The following OR1M1 variants were observed in gnomAD, a reference collection of about 807,000 sequenced individuals.
The protein encoded by OR1M1 is olfactory receptor 1M1.
For missense variants in OR1M1, 397 were observed against 401.8 expected (o/e 0.99, Z 0.10); for synonymous variants, 157 against 165.5 (o/e 0.95, Z 0.39).
chr19:9,092,072 CTTTTTTTT>C lies in OR1M1; in HGVS notation c.-13-1140_-13-1133del, dbSNP rs35789114. ...TATAGGTGTCCACCATCATGCCTGGCTTTTTTTTTTTTTTTTTTTTTTTTTTTGGTAGA... is the reference window on the plus strand; with the variant it reads ...TATAGGTGTCCACCATCATGCCTGGCTTTTTTTTTTTTTTTTTTTGGTAGA... On this transcript the variant is annotated intron_variant, in intron 1 of 1. Coordinates refer to ENST00000641627, the MANE Select transcript of OR1M1 (RefSeq NM_001004456.2). 1.0e-4 allele frequency among the ~76,000 whole-genome samples: 4 copies of C among 39,770 alleles called. No individual in the cohort carries two copies. In the Admixed American group the frequency reaches 1.3e-3, roughly 12 times the overall value. 26.1% of individuals were successfully genotyped at this position (39,770 alleles called of 152,430 possible).
intron 1 of OR1M1, 168 bp from the exon 2 acceptor site, chr19:9,093,062 CAT>C (rs1214501296): frequency 1.4e-5 from 6 of 440,116 alleles, no homozygotes; most frequent in African/African-American, 1.1e-4. Flanking sequence ...TACACACACA[CAT>C]ATATATTCTA....
chr19:9,091,246 G>A (rs1338586324), intron 1 of OR1M1, among the ~76,000 whole-genome samples: 1 of 152,058 alleles, frequency 6.6e-6, no homozygotes, highest in African/African-American at 2.4e-5. Context: ...CCGGCACTTT[G>A]GGAGGCCAAG....
At position 9,093,079 on chromosome 19, in the gene OR1M1, T is replaced by TATACAC. The variant is rs1555707928; in HGVS notation, c.-13-152_-13-151insTACACA. 5.1e-4 allele frequency: 207 copies of TATACAC among 406,690 alleles called. 1 individual carries two copies. Among genetic ancestry groups the TATACAC allele is most frequent in the African/African-American group, 4.3e-3 (192 of 44,916 alleles). 25.2% of individuals were successfully genotyped at this position (406,690 alleles called of 1,614,324 possible). On this transcript the variant is annotated intron_variant, in intron 1 of 1. Transcript: ENST00000641627. ...CACACACACATATATATTCTATATA[T>TATACAC]ACACACACACACACACACACACACA...
intron 1 of OR1M1, among the ~76,000 whole-genome samples, chr19:9,089,911 C>G (rs1440738067): frequency 1.3e-5 from 2 of 152,154 alleles, no homozygotes; most frequent in African/African-American, 4.8e-5. Context: ...ATGCGTGCTT[C>G]ATGAATTACA....
At position 9,094,181 on chromosome 19, in the gene OR1M1, T is replaced by A. The variant is rs1401730768; in HGVS notation, c.937T>A (p.Ser313Thr). 1.2e-6 allele frequency: 2 copies of A among 1,601,878 alleles called. No homozygotes were observed. The highest frequency in any genetic ancestry group is 1.7e-6 in the Non-Finnish European group (2 of 1,176,140). ...GGTCAACAGAAAGATCACCTCATCT[T>A]CCTGACCACCAGGACTCAGGAACTT... ...KLVNRKITSS[S>T] Residue 313 changes from serine to threonine, a missense_variant, in exon 2 of 2, where the codon TCC (serine) becomes ACC (threonine). By Grantham distance (58) the Ser-to-Thr change is moderately conservative. Transcript: ENST00000641627.
Position 9,093,581 on chromosome 19 carries a change from G to C in OR1M1, c.337G>C (p.Val113Leu). 1 of 1,614,110 alleles carries C rather than the reference G, an allele frequency of 6.2e-7. No individual in the cohort carries two copies. The highest frequency in any genetic ancestry group is 8.5e-7 in the Non-Finnish European group (1 of 1,180,002). ...CCATTTCTTTGGCATCGTGGACAGC[G>C]TCATAATCGCCATGATGGCTTATGA... ...FFHFFGIVDS[V>L]IIAMMAYDRF... The change falls in exon 2 of 2, where the codon GTC (valine) becomes CTC (leucine). Residue 113 changes from valine (V) to leucine (L), a missense_variant. Physicochemically the swap from Val to Leu is conservative, Grantham distance 32. Transcript: ENST00000641627.
rs2050319648 is a variant in OR1M1 at position 9,095,123 on chromosome 19, A to G, written c.*937A>G. The G allele has an allele frequency of 6.6e-6, 1 of 152,256 alleles. No individual in the cohort carries two copies. The highest frequency in any genetic ancestry group is 2.4e-5 in the African/African-American group (1 of 41,436). 9.4% of individuals were successfully genotyped at this position (152,256 alleles called of 1,614,324 possible). A position where few individuals can be genotyped will look rare whatever the true frequency, so the allele number is the denominator to read the frequency against. On this transcript the variant is annotated 3_prime_UTR_variant, in exon 2 of 2. Coordinates refer to ENST00000641627, the MANE Select transcript of OR1M1 (RefSeq NM_001004456.2). ...CTGGCTGGAAAGGCCATTTGAGGAC[A>G]CAGCGAAAGGGGGTCTATCTGCCAC...
intron 1 of OR1M1, among the ~76,000 whole-genome samples, chr19:9,090,446 A>C (rs2050286155): frequency 6.6e-6 from 1 of 152,252 alleles, no homozygotes; most frequent in African/African-American, 2.4e-5. Context: ...AGGAAGATTA[A>C]TTTAGTGACT....
chr19:9,089,598 T>A (rs1791859492), intron 1 of OR1M1, among the ~76,000 whole-genome samples: 1 of 152,042 alleles, frequency 6.6e-6, no homozygotes, highest in Non-Finnish European at 1.5e-5. Flanking sequence ...TAATTTTTTG[T>A]ATTTTTAGTA....
rs151205505 is a variant in OR1M1 at position 9,093,581 on chromosome 19, G to A, written c.337G>A (p.Val113Ile). Residue 113 changes from valine (V) to isoleucine (I), a missense_variant, in exon 2 of 2, where the codon GTC (valine) becomes ATC (isoleucine). Transcript: ENST00000641627. ...CCATTTCTTTGGCATCGTGGACAGC[G>A]TCATAATCGCCATGATGGCTTATGA... ...FFHFFGIVDS[V>I]IIAMMAYDRF... 131 of 1,614,110 alleles carry A rather than the reference G, an allele frequency of 8.1e-5. No homozygotes were observed. The highest frequency in any genetic ancestry group is 1.6e-4 in the Middle Eastern group (1 of 6,062).
At chr19:9,088,350 G>A (rs958989905) in intron 1 of OR1M1, among the ~76,000 whole-genome samples, 2 of 152,144 alleles carry the variant, frequency 1.3e-5, no homozygotes, top group Non-Finnish European at 2.9e-5. Context: ...GACACAGAGT[G>A]CAGAGGTCCA....
At chr19:9,088,195 C>CT (rs2145902179) in intron 1 of OR1M1, among the ~76,000 whole-genome samples, 1 of 152,242 alleles carries the variant, frequency 6.6e-6, no homozygotes, top group African/African-American at 2.4e-5. Flanking sequence ...CCAGCCTGGA[C>CT]TTTCTTTTCC....
chr19:9,090,818 G>C (rs1215059571), intron 1 of OR1M1, among the ~76,000 whole-genome samples: 1 of 151,930 alleles, frequency 6.6e-6, no homozygotes, highest in Non-Finnish European at 1.5e-5. Flanking sequence ...GAAGTAATAA[G>C]AGCCTTTCAT....
intron 1 of OR1M1, among the ~76,000 whole-genome samples, chr19:9,090,455 C>T (rs1004687898): frequency 2.6e-5 from 4 of 152,196 alleles, no homozygotes; most frequent in African/African-American, 9.6e-5. Context: ...AATTTAGTGA[C>T]TTCAGGATTG....
chr19:9,092,628 G>A (rs1056149053), intron 1 of OR1M1, among the ~76,000 whole-genome samples: 13 of 152,032 alleles, frequency 8.6e-5, no homozygotes, highest in South Asian at 4.2e-4. Flanking sequence ...TTAGCCTGGC[G>A]TGGTGGCTCA....
chr19:9,093,109 C>CACACACACACATAT (rs572607972), intron 1 of OR1M1, 123 bp from the exon 2 acceptor site: 10 of 492,330 alleles, frequency 2.0e-5, no homozygotes, highest in African/African-American at 8.3e-5. Flanking sequence ...CACACACACA[C>CACACACACACATAT]ATATATATAT....
chr19:9,087,468 C>T (rs952070614), intron 1 of OR1M1, among the ~76,000 whole-genome samples: 1 of 151,692 alleles, frequency 6.6e-6, no homozygotes, highest in African/African-American at 2.4e-5. Flanking sequence ...TTTCCCCCAC[C>T]GAGATGGAGT....
Position 9,093,374 on chromosome 19 carries a change from C to T in OR1M1, c.130C>T (p.Leu44Phe), listed in dbSNP as rs748535332. 8 of 1,613,916 alleles carry T rather than the reference C, an allele frequency of 5.0e-6. No homozygotes were observed. The South Asian group carries it at 7.7e-5, about 16-fold the overall frequency. ...CCTGGTCATGGTCGTGGGGAACCTGCTCATCATCCTGGCCATCAGCATAGA... is the reference window on the plus strand; with the variant it reads ...CCTGGTCATGGTCGTGGGGAACCTGTTCATCATCCTGGCCATCAGCATAGA... ...MYLVMVVGNL[L>F]IILAISIDSH... Residue 44 changes from leucine to phenylalanine, a missense_variant, in exon 2 of 2, where the codon CTC becomes TTC. Transcript: ENST00000641627.
Position 9,093,584 on chromosome 19 carries a change from A to C in OR1M1, c.340A>C (p.Ile114Leu). Residue 114 changes from isoleucine to leucine, a missense_variant, in exon 2 of 2, where the codon ATA (isoleucine) becomes CTA (leucine). Ile to Leu is a conservative substitution (Grantham distance 5, BLOSUM62 2). Transcript: ENST00000641627. The stretch of plus-strand genomic sequence containing the variant: ...TTTCTTTGGCATCGTGGACAGCGTC[A>C]TAATCGCCATGATGGCTTATGACCG... ...FHFFGIVDSV[I>L]IAMMAYDRFV... 1.2e-6 allele frequency: 2 copies of C among 1,614,174 alleles called. No individual in the cohort carries two copies. Among genetic ancestry groups the C allele is most frequent in the Non-Finnish European group, 8.5e-7 (1 of 1,180,030 alleles).
Sources: gnomAD v4.1 joint callset for allele counts (sites outside exome capture counted in the v4.1 genomes callset) on GRCh38, gnomAD v4.1.1 for gene constraint, MANE v1.5 for transcripts, NCBI Gene and HGNC (gene_info 2026-07-23, HGNC 2026-07-21) for gene names.